The following LRRC4C variants were observed in gnomAD, a reference collection of about 807,000 sequenced individuals.
The protein encoded by LRRC4C is leucine-rich repeat-containing protein 4C.
Under a neutral mutation model 33.6 loss-of-function variants are expected in LRRC4C, and 5 were observed. The ratio of observed to expected loss-of-function variants is 0.15; its 90% CI spans 0.08 to 0.31. The LOEUF (loss-of-function observed/expected upper bound fraction) is 0.31. LRRC4C is among the 10% of genes least tolerant of loss of function. The pLI, the probability that LRRC4C is intolerant of heterozygous loss-of-function variation, is 1.00. For synonymous variants in LRRC4C, 329 were observed against 302.0 expected (o/e 1.09, Z -0.93); for missense variants, 560 against 796.7 (o/e 0.70, Z 3.58).
intron 1 of LRRC4C, among the ~76,000 whole-genome samples, chr11:41,144,519 T>A (rs1943649596): frequency 6.6e-6 from 1 of 152,204 alleles, no homozygotes; most frequent in Admixed American, 6.5e-5. Flanking sequence ...TATGAGTTTG[T>A]TGCTTATCTC....
chr11:40,778,432 T>A (rs149334640), intron 2 of LRRC4C, among the ~76,000 whole-genome samples: 185 of 152,348 alleles, frequency 1.2e-3, no homozygotes, highest in Middle Eastern at 6.8e-3. Flanking sequence ...TGCAAAATGG[T>A]TGAATCTTTT....
chr11:40,429,208 G>A (rs2137827523), intron 3 of LRRC4C, among the ~76,000 whole-genome samples: 1 of 152,178 alleles, frequency 6.6e-6, no homozygotes, highest in South Asian at 2.1e-4. Context: ...CAAGTAGCTG[G>A]GATTACAGGC....
At chr11:40,202,103 C>T (rs117681022) in intron 5 of LRRC4C, among the ~76,000 whole-genome samples, 4,054 of 148,218 alleles carry the variant, frequency 0.027, 70 homozygotes, top group African/African-American at 0.04. Flanking sequence ...ATATGTATAA[C>T]AGCAAGAGAC....
At chr11:40,320,867 T>C (rs1945809955) in intron 3 of LRRC4C, among the ~76,000 whole-genome samples, 1 of 152,222 alleles carries the variant, frequency 6.6e-6, no homozygotes, top group Non-Finnish European at 1.5e-5. Context: ...CCTGAATTTT[T>C]ATATACTTAT....
chr11:41,107,452 A>G (rs146001093), intron 1 of LRRC4C, among the ~76,000 whole-genome samples: 13 of 152,254 alleles, frequency 8.5e-5, no homozygotes, highest in African/African-American at 2.9e-4. Context: ...CAAGTGAAAT[A>G]TCTCTCATTT....
chr11:40,815,484 T>C (rs1228273416), intron 2 of LRRC4C, among the ~76,000 whole-genome samples: 1 of 152,190 alleles, frequency 6.6e-6, no homozygotes, highest in African/African-American at 2.4e-5. Flanking sequence ...ATTCCAATTC[T>C]CTTTTGAAGT....
rs545397642 is a variant in LRRC4C at position 40,926,654 on chromosome 11, T to C, written c.-407+6981A>G. ...ATTCATCCACCACTGTTTTTAACCA[T>C]GTAAATTTGGTTATAGTATACTTTT... On this transcript the variant is annotated intron_variant, in intron 2 of 6. Coordinates refer to ENST00000528697, the MANE Select transcript of LRRC4C (RefSeq NM_001258419.2). Among the ~76,000 whole-genome samples, 18 of 152,170 alleles carry C rather than the reference T, an allele frequency of 1.2e-4. 1 individual carries two copies. In the South Asian group the frequency reaches 3.7e-3, roughly 32 times the overall value.
chr11:40,489,162 C>A (rs1954019242), intron 3 of LRRC4C, among the ~76,000 whole-genome samples: 3 of 152,024 alleles, frequency 2.0e-5, no homozygotes. Flanking sequence ...CTGCTTTAGT[C>A]CAGGTTCTTG....
intron 3 of LRRC4C, among the ~76,000 whole-genome samples, chr11:40,401,172 A>C (rs972777219): frequency 6.6e-6 from 1 of 151,840 alleles, no homozygotes; most frequent in Non-Finnish European, 1.5e-5. Context: ...ATTATTAAAA[A>C]AAAAATTTCC....
chr11:40,801,210 G>A (rs1386131454), intron 2 of LRRC4C, among the ~76,000 whole-genome samples: 2 of 151,996 alleles, frequency 1.3e-5, no homozygotes, highest in Non-Finnish European at 2.9e-5. Context: ...TTGCTCCCTT[G>A]AGTCACTATA....
intron 1 of LRRC4C, among the ~76,000 whole-genome samples, chr11:40,999,262 C>G (rs929325212): frequency 6.6e-6 from 1 of 151,822 alleles, no homozygotes; most frequent in African/African-American, 2.4e-5. Flanking sequence ...CTGTGTCTAG[C>G]CCCCACCTCT....
chr11:40,341,998 C>CAA (rs55668275), intron 3 of LRRC4C, among the ~76,000 whole-genome samples: 1,496 of 142,128 alleles, frequency 0.011, 8 homozygotes, highest in South Asian at 0.02. Flanking sequence ...GCACTTTTCT[C>CAA]AAAAAAAAAA....
chr11:40,923,957 T>C (rs1957299111), intron 2 of LRRC4C, among the ~76,000 whole-genome samples: 2 of 152,086 alleles, frequency 1.3e-5, no homozygotes, highest in African/African-American at 4.8e-5. Flanking sequence ...TATTTAGCAA[T>C]GCATTAGAGA....
chr11:41,073,139 G>C (rs1938836884), intron 1 of LRRC4C, among the ~76,000 whole-genome samples: 1 of 152,072 alleles, frequency 6.6e-6, no homozygotes, highest in South Asian at 2.1e-4. Context: ...TACTGTAAAG[G>C]AATACCTGAG....
intron 2 of LRRC4C, among the ~76,000 whole-genome samples, chr11:40,929,113 C>G (rs1806707778): frequency 6.6e-6 from 1 of 152,142 alleles, no homozygotes; most frequent in South Asian, 2.1e-4. Context: ...AAGTCCAATT[C>G]TATTGGTATT....
At chr11:40,220,841 T>A (rs973496106) in intron 5 of LRRC4C, among the ~76,000 whole-genome samples, 8 of 151,050 alleles carry the variant, frequency 5.3e-5, no homozygotes, top group Admixed American at 1.3e-4. Flanking sequence ...CATTTTAAAA[T>A]TTTTTTTCAG....
intron 3 of LRRC4C, among the ~76,000 whole-genome samples, chr11:40,329,489 T>C (rs1229353213): frequency 6.6e-6 from 1 of 151,874 alleles, no homozygotes; most frequent in Non-Finnish European, 1.5e-5. Context: ...GGAATCAGGG[T>C]TTCTGGGTTA....
chr11:40,962,091 G>C (rs1464909668), intron 1 of LRRC4C, among the ~76,000 whole-genome samples: 1 of 151,500 alleles, frequency 6.6e-6, no homozygotes, highest in East Asian at 1.9e-4. Flanking sequence ...CCCCAGACCT[G>C]TCAATATGTT....
rs368234307 is a variant in LRRC4C at position 40,696,748 on chromosome 11, G to GTGTATATATATATATATA, written c.-406-48471_-406-48470insTATATATATATATATACA. On this transcript the variant is annotated intron_variant, in intron 2 of 6. Coordinates refer to ENST00000528697, the MANE Select transcript of LRRC4C (RefSeq NM_001258419.2). ...GTCTCTGTGCATATATATACACTGT[G>GTGTATATATATATATATA]TATATATATATATATATATATATAT... Among the ~76,000 whole-genome samples, 289 of 125,862 alleles carry GTGTATATATATATATATA rather than the reference G, an allele frequency of 2.3e-3. 4 individuals are homozygous for GTGTATATATATATATATA. Among genetic ancestry groups the GTGTATATATATATATATA allele is most frequent in the African/African-American group, 7.7e-3 (245 of 31,964 alleles). 82.6% of individuals were successfully genotyped at this position (125,862 alleles called of 152,430 possible).
Sources: gnomAD v4.1 joint callset for allele counts (sites outside exome capture counted in the v4.1 genomes callset) on GRCh38, gnomAD v4.1.1 for gene constraint, MANE v1.5 for transcripts, NCBI Gene and HGNC (gene_info 2026-07-23, HGNC 2026-07-21) for gene names.